Variants in ADCY9 observed in about 807,000 individuals in gnomAD.
The protein encoded by ADCY9 is adenylate cyclase 9, also known as adenylate cyclase type 9.
ADCY9 carries 50 observed loss-of-function variants against 101.5 expected under a neutral mutation model. The observed-to-expected ratio is 0.49, with a 90% CI of 0.39 to 0.62. The LOEUF (loss-of-function observed/expected upper bound fraction) is 0.62. Ranked by LOEUF, ADCY9 falls within the 20% of genes least tolerant of loss-of-function variation. The probability of loss-of-function intolerance (pLI) is 0.00; values close to 1 mark genes in which losing one functional copy is unlikely to be tolerated. For missense variants in ADCY9, 1,662 were observed against 1,800.4 expected, an observed-to-expected ratio of 0.92 and a Z score of 1.39; for synonymous variants, 905 against 769.3, an observed-to-expected ratio of 1.18 and a Z score of -2.92.
At chr16:3,994,297 G>A (rs2056270442) in intron 3 of ADCY9, among the ~76,000 whole-genome samples, 1 of 152,168 alleles carries the variant, frequency 6.6e-6, no homozygotes, top group Non-Finnish European at 1.5e-5. Flanking sequence ...AGAACCCTGA[G>A]AAATACATTT....
Position 3,954,203 on chromosome 16 carries a change from G to A in ADCY9, c.568-687C>T, listed in dbSNP as rs141783163. 9.0e-4 allele frequency among the ~76,000 whole-genome samples: 137 copies of A among 152,320 alleles called. No individual in the cohort carries two copies. The East Asian group carries it at 0.012, about 13-fold the overall frequency. Reference sequence around the variant, plus strand: ...CATGCAGAGCTGCAGGACGGGCGTCGCTGAGCTGGCCGGGGCAGGCTGGGA... The same window carrying A: ...CATGCAGAGCTGCAGGACGGGCGTCACTGAGCTGGCCGGGGCAGGCTGGGA... On this transcript the variant is annotated intron_variant, in intron 5 of 5. Transcript: ENST00000576936.
chr16:3,999,437 C>A (rs1038668267), intron 3 of ADCY9, among the ~76,000 whole-genome samples: 1 of 152,172 alleles, frequency 6.6e-6, no homozygotes, highest in Non-Finnish European at 1.5e-5. Flanking sequence ...CCCTGGGACC[C>A]GGACCACCGT....
chr16:4,041,531 G>A (rs772469910), intron 2 of ADCY9, among the ~76,000 whole-genome samples: 12 of 138,650 alleles, frequency 8.7e-5, no homozygotes, highest in Non-Finnish European at 1.8e-4. Context: ...AAAAAAAAGA[G>A]GCTCTTTCTA....
Position 3,965,650 on chromosome 16 carries a change from T to C in ADCY9, c.*125A>G, listed in dbSNP as rs2055983668. The stretch of plus-strand genomic sequence containing the variant: ...CTGTGATCCACACAGAAGTTAGGGC[T>C]GAAATGACCACATAACACCACGTCC... On this transcript the variant is annotated 3_prime_UTR_variant, in exon 11 of 11. Transcript: ENST00000294016. 3 of 816,796 alleles carry C rather than the reference T, an allele frequency of 3.7e-6. No homozygotes were observed. Among genetic ancestry groups the C allele is most frequent in the Admixed American group, 5.6e-5 (2 of 36,006 alleles). 50.6% of individuals were successfully genotyped at this position (816,796 alleles called of 1,614,324 possible). A position where few individuals can be genotyped will look rare whatever the true frequency, so the allele number is the denominator to read the frequency against.
chr16:4,085,675 G>A lies in ADCY9; in HGVS notation c.1693+28075C>T, dbSNP rs564471786. On this transcript the variant is annotated intron_variant, in intron 2 of 10. Transcript: ENST00000294016. The stretch of plus-strand genomic sequence containing the variant: ...GAGAGGTCTGCGTTGCCTCCAAGCA[G>A]TGCTTCTTGAAATGGTATCCCCCCA... Among the ~76,000 whole-genome samples, 6 of 152,172 alleles carry A rather than the reference G, an allele frequency of 3.9e-5. 1 individual carries two copies. The South Asian group carries it at 8.3e-4, about 21-fold the overall frequency.
chr16:4,097,123 C>T (rs2057008321), intron 2 of ADCY9, among the ~76,000 whole-genome samples: 1 of 152,078 alleles, frequency 6.6e-6, no homozygotes, highest in African/African-American at 2.4e-5. Context: ...TTCAACCCCA[C>T]ATTTCCTGGG....
chr16:4,089,599 C>T (rs1197136221), intron 2 of ADCY9, among the ~76,000 whole-genome samples: 2 of 152,044 alleles, frequency 1.3e-5, no homozygotes, highest in Non-Finnish European at 2.9e-5. Flanking sequence ...CCAGGAGTGG[C>T]ATGGCTGGGC....
intron 2 of ADCY9, among the ~76,000 whole-genome samples, chr16:4,013,201 G>C (rs11076798): frequency 0.95 from 144,130 of 151,478 alleles, 68,967 homozygotes; most frequent in East Asian, 1. Context: ...TGAGCTGTGA[G>C]TGCGCCGTTG....
intron 2 of ADCY9, among the ~76,000 whole-genome samples, chr16:4,027,777 T>C (rs975521861): frequency 1.3e-5 from 2 of 151,118 alleles, no homozygotes; most frequent in African/African-American, 4.9e-5. Flanking sequence ...CTTGGGAGGC[T>C]GAGGCAGGAG....
At chr16:3,999,361 C>G (rs778937152) in intron 3 of ADCY9, among the ~76,000 whole-genome samples, 20 of 152,188 alleles carry the variant, frequency 1.3e-4, no homozygotes, top group Non-Finnish European at 2.2e-4. Context: ...ACTGTATGAT[C>G]TCGTCCTTTG....
intron 2 of ADCY9, among the ~76,000 whole-genome samples, chr16:4,045,543 T>C (rs2141142927): frequency 7.6e-6 from 1 of 131,172 alleles, no homozygotes; most frequent in Non-Finnish European, 1.5e-5. Context: ...TGCAGTGAGC[T>C]GAGATCGGAC....
Position 3,965,008 on chromosome 16 carries a change from G to A in ADCY9, c.*767C>T, listed in dbSNP as rs547949685. 6.6e-6 allele frequency: 1 copy of A among 152,402 alleles called. No individual in the cohort carries two copies. The highest frequency in any genetic ancestry group is 2.4e-5 in the African/African-American group (1 of 41,590). The allele number at this position is 152,402 out of a possible 1,614,324, so 9.4% of individuals were successfully genotyped here. A position where few individuals can be genotyped will look rare whatever the true frequency, so the allele number is the denominator to read the frequency against. On this transcript the variant is annotated 3_prime_UTR_variant, in exon 11 of 11. Coordinates refer to ENST00000294016, the MANE Select transcript of ADCY9 (RefSeq NM_001116.4). The stretch of plus-strand genomic sequence containing the variant: ...GACCCCTGGGTGGAGGGTCGGGGGT[G>A]AGAGGCGGCTCTGAGACCCCCGAGG...
chr16:4,107,337 G>A lies in ADCY9; in HGVS notation c.1693+6413C>T, dbSNP rs373952308. Among the ~76,000 whole-genome samples the A allele has an allele frequency of 9.2e-5, 14 of 152,052 alleles. No homozygotes were observed. In the East Asian group the frequency reaches 1.9e-3, roughly 21 times the overall value. ...AGGCTGAGGCTGGTGGATCACCTGA[G>A]GTCAGGAGTTCAAGACCGGCCTGGC... On this transcript the variant is annotated intron_variant, in intron 2 of 10. Transcript: ENST00000294016.
At chr16:4,112,083 T>C (rs2141210199) in intron 2 of ADCY9, among the ~76,000 whole-genome samples, 1 of 152,256 alleles carries the variant, frequency 6.6e-6, no homozygotes, top group South Asian at 2.1e-4. Context: ...GCCGCCCAGC[T>C]CCACCGTCCC....
intron 2 of ADCY9, among the ~76,000 whole-genome samples, chr16:4,033,432 AT>A (rs71133683): frequency 0.054 from 6,803 of 125,776 alleles, 246 homozygotes; most frequent in African/African-American, 0.11. Context: ...CCTTGAAGTA[AT>A]TTTTTTTTTT....
chr16:4,054,564 T>C (rs959980428), intron 2 of ADCY9, among the ~76,000 whole-genome samples: 1 of 151,956 alleles, frequency 6.6e-6, no homozygotes, highest in Non-Finnish European at 1.5e-5. Context: ...TCTGATTAAA[T>C]GGATTTTTTT....
At chr16:3,954,215 G>A (rs1056894520) in intron 5 of ADCY9, among the ~76,000 whole-genome samples, 1 of 152,222 alleles carries the variant, frequency 6.6e-6, no homozygotes, top group Admixed American at 6.5e-5. Flanking sequence ...TGAGCTGGCC[G>A]GGGCAGGCTG....
At chr16:4,086,511 A>C (rs982353177) in intron 2 of ADCY9, among the ~76,000 whole-genome samples, 6 of 152,126 alleles carry the variant, frequency 3.9e-5, no homozygotes, top group African/African-American at 1.4e-4. Flanking sequence ...CAGTGTCCAA[A>C]GAGGGCCCAT....
At chr16:4,083,747 G>A (rs918679863) in intron 2 of ADCY9, among the ~76,000 whole-genome samples, 1 of 152,252 alleles carries the variant, frequency 6.6e-6, no homozygotes, top group Non-Finnish European at 1.5e-5. Context: ...AGTGAGAGAA[G>A]CCAGTCATGA....
Sources: gnomAD v4.1 joint callset for allele counts (sites outside exome capture counted in the v4.1 genomes callset) on GRCh38, gnomAD v4.1.1 for gene constraint, MANE v1.5 for transcripts, NCBI Gene and HGNC (gene_info 2026-07-23, HGNC 2026-07-21) for gene names.